RNF157: variants seen among roughly 807,000 people sequenced by gnomAD.
The protein encoded by RNF157 is E3 ubiquitin ligase RNF157.
In RNF157, 55 loss-of-function variants were observed where a neutral mutation model predicts 88.3. The ratio of observed to expected loss-of-function variants is 0.62; its 90% CI spans 0.50 to 0.78. The LOEUF is 0.78. Ranked by LOEUF, RNF157 falls within the 30% of genes least tolerant of loss-of-function variation. RNF157 has a pLI of 0.00. For synonymous variants in RNF157, 334 were observed against 341.2 expected (o/e 0.98, Z 0.23); for missense variants, 788 against 860.8 (o/e 0.92, Z 1.06).
chr17:76,154,537 G>A (rs972800062), intron 16 of RNF157: 29 of 571,312 alleles, frequency 5.1e-5, no homozygotes, highest in South Asian at 4.7e-4. Context: ...GATTAGATCC[G>A]AGCCACATTA....
chr17:76,178,327 G>A (rs2069136916), intron 2 of RNF157, among the ~76,000 whole-genome samples: 2 of 152,228 alleles, frequency 1.3e-5, no homozygotes, highest in South Asian at 2.1e-4. Context: ...TGCTTGCAGT[G>A]CACCTGGTCC....
chr17:76,239,118 A>C (rs1466558946), intron 1 of RNF157, among the ~76,000 whole-genome samples: 1 of 152,168 alleles, frequency 6.6e-6, no homozygotes, highest in Non-Finnish European at 1.5e-5. Flanking sequence ...AATCACCAAA[A>C]TCTCCATCGG....
intron 1 of RNF157, among the ~76,000 whole-genome samples, chr17:76,224,444 T>G (rs79349605): frequency 0.029 from 4,454 of 152,232 alleles, 222 homozygotes; most frequent in African/African-American, 0.1. Context: ...CTAGTAAATT[T>G]TCATATATTT....
intron 2 of RNF157, among the ~76,000 whole-genome samples, chr17:76,198,287 T>C (rs1354657158): frequency 6.6e-6 from 1 of 152,006 alleles, no homozygotes; most frequent in East Asian, 1.9e-4. Flanking sequence ...ACAGGGACAT[T>C]CTCTTATGAC....
At chr17:76,190,715 C>G (rs1207984753) in intron 2 of RNF157, among the ~76,000 whole-genome samples, 4 of 150,586 alleles carry the variant, frequency 2.7e-5, no homozygotes, top group Admixed American at 2.0e-4. Context: ...GTCAGGAGAT[C>G]GAGACCACGA....
At chr17:76,175,729 C>T (rs2144887264) in intron 2 of RNF157, 3 of 981,396 alleles carry the variant, frequency 3.1e-6, no homozygotes, top group East Asian at 1.1e-4. Context: ...GGTACTTGGG[C>T]GTTATCCATA....
At chr17:76,227,964 T>C (rs1281765637) in intron 1 of RNF157, among the ~76,000 whole-genome samples, 1 of 152,188 alleles carries the variant, frequency 6.6e-6, no homozygotes, top group East Asian at 1.9e-4. Flanking sequence ...CATTATAATG[T>C]ATTCCCATTG....
chr17:76,226,470 A>G (rs1012529284), intron 1 of RNF157: 6 of 1,609,170 alleles, frequency 3.7e-6, no homozygotes, highest in Non-Finnish European at 5.1e-6. Flanking sequence ...AACGTGGTCA[A>G]AAGGTCATCT....
At chr17:76,172,096 C>T (rs2069023095) in intron 3 of RNF157, among the ~76,000 whole-genome samples, 2 of 152,198 alleles carry the variant, frequency 1.3e-5, no homozygotes, top group Admixed American at 6.5e-5. Flanking sequence ...AATCTCTCCT[C>T]CCCAGAGTTG....
In RNF157 at chr17:76,160,410, A is replaced by G. The variant is rs149436074; in HGVS notation, c.1066-837T>C. On this transcript the variant is annotated intron_variant, in intron 11 of 18. Transcript: ENST00000269391. This position sits in a 1 kb window ranked among gnomAD's most constrained non-coding sequence, Gnocchi z 4.3. ...CAGTGCCTTTTCTAGTTACACTCCTATAAGTAATACAGAAGACCTATTCTG... is the reference window on the plus strand; with the variant it reads ...CAGTGCCTTTTCTAGTTACACTCCTGTAAGTAATACAGAAGACCTATTCTG... Among the ~76,000 whole-genome samples, 598 of 151,914 alleles carry G rather than the reference A, an allele frequency of 3.9e-3. 6 individuals are homozygous for G. Among genetic ancestry groups the G allele is most frequent in the African/African-American group, 0.01 (432 of 41,416 alleles).
At chr17:76,238,625 T>C (rs1450853693) in intron 1 of RNF157, among the ~76,000 whole-genome samples, 1 of 152,154 alleles carries the variant, frequency 6.6e-6, no homozygotes, top group Non-Finnish European at 1.5e-5. Context: ...CTATTGAAAA[T>C]TCCAAGCTCA....
chr17:76,217,774 G>A (rs1198631411), intron 1 of RNF157, among the ~76,000 whole-genome samples: 1 of 152,122 alleles, frequency 6.6e-6, no homozygotes, highest in Non-Finnish European at 1.5e-5. Context: ...AAAAACATAT[G>A]TCACTAGTAG....
chr17:76,223,859 T>C (rs2070031318), intron 1 of RNF157, among the ~76,000 whole-genome samples: 1 of 152,240 alleles, frequency 6.6e-6, no homozygotes, highest in Non-Finnish European at 1.5e-5. Flanking sequence ...TGTTAGAACA[T>C]GCAGTGTTTT....
At chr17:76,169,455 A>C (rs936124640) in intron 3 of RNF157, among the ~76,000 whole-genome samples, 39 of 152,076 alleles carry the variant, frequency 2.6e-4, no homozygotes, top group Non-Finnish European at 4.4e-4. Flanking sequence ...TATTTTATAT[A>C]GAGATGGGGT....
chr17:76,227,142 G>A (rs557525425), intron 1 of RNF157, among the ~76,000 whole-genome samples: 19 of 149,226 alleles, frequency 1.3e-4, no homozygotes, highest in African/African-American at 4.7e-4. Context: ...TGAGACGGGA[G>A]TCTCACTCTT....
chr17:76,165,040 C>G (rs1442175017), intron 7 of RNF157, among the ~76,000 whole-genome samples: 1 of 152,132 alleles, frequency 6.6e-6, no homozygotes, highest in Non-Finnish European at 1.5e-5. Flanking sequence ...TATTCTTAGT[C>G]TCTTACTGTG....
At chr17:76,229,693 G>A (rs2070154607) in intron 1 of RNF157, among the ~76,000 whole-genome samples, 1 of 152,206 alleles carries the variant, frequency 6.6e-6, no homozygotes, top group Non-Finnish European at 1.5e-5. Context: ...TCCTCTTAGG[G>A]AAGGCACTAT....
chr17:76,226,147 G>T (rs1200341274), intron 1 of RNF157: 6 of 1,603,548 alleles, frequency 3.7e-6, no homozygotes, highest in Non-Finnish European at 5.1e-6. Context: ...TCATACAGAT[G>T]CCACTATCAT....
chr17:76,189,396 G>A (rs930944871), intron 2 of RNF157, among the ~76,000 whole-genome samples: 1 of 152,224 alleles, frequency 6.6e-6, no homozygotes, highest in Non-Finnish European at 1.5e-5. Flanking sequence ...TCTATGAGCA[G>A]AAGGCGTGGG....
Sources: allele counts gnomAD v4.1 joint callset (sites outside exome capture counted in the v4.1 genomes callset), GRCh38; gene constraint gnomAD v4.1.1; non-coding constraint Gnocchi (gnomAD v3.1); transcripts MANE v1.5; gene names NCBI Gene and HGNC (gene_info 2026-07-23, HGNC 2026-07-21).